PDE5A: variants seen among roughly 807,000 people sequenced by gnomAD.
The protein encoded by PDE5A is cGMP-specific 3',5'-cyclic phosphodiesterase.
Under a neutral mutation model 110.2 loss-of-function variants are expected in PDE5A, and 67 were observed. The ratio of observed to expected loss-of-function variants is 0.61; its 90% CI spans 0.50 to 0.75. PDE5A has a LOEUF of 0.75. Ranked by LOEUF, PDE5A falls within the 30% of genes least tolerant of loss-of-function variation. The pLI, the probability that PDE5A is intolerant of heterozygous loss-of-function variation, is 0.00. For synonymous variants in PDE5A, 328 were observed against 351.2 expected (o/e 0.93, Z 0.74); for missense variants, 862 against 1,045.1 (o/e 0.82, Z 2.42).
intron 1 of PDE5A, 117 bp downstream of exon 1, chr4:119,628,403 T>C: frequency 1.3e-6 from 1 of 777,432 alleles, no homozygotes; most frequent in Admixed American, 2.8e-5. Context: ...TTCTACCTCG[T>C]AACAGGACCG....
At chr4:119,580,684 A>C (rs1233778328) in intron 3 of PDE5A, among the ~76,000 whole-genome samples, 1 of 152,244 alleles carries the variant, frequency 6.6e-6, no homozygotes, top group Non-Finnish European at 1.5e-5. Context: ...CATGGAGAGA[A>C]GAAACTTGCT....
chr4:119,622,573 T>A (rs1405888601), intron 1 of PDE5A, among the ~76,000 whole-genome samples: 1 of 152,082 alleles, frequency 6.6e-6, no homozygotes, highest in Admixed American at 6.5e-5. Flanking sequence ...AGAGAAAATA[T>A]ATCTTTAAAA....
chr4:119,583,559 T>C (rs1403760975), intron 3 of PDE5A, among the ~76,000 whole-genome samples: 1 of 152,250 alleles, frequency 6.6e-6, no homozygotes, highest in Non-Finnish European at 1.5e-5. Context: ...ATCCTAGTTT[T>C]TGGCCTATCT....
intron 2 of PDE5A, among the ~76,000 whole-genome samples, chr4:119,604,790 T>A (rs1455465433): frequency 6.6e-6 from 1 of 152,226 alleles, no homozygotes; most frequent in African/African-American, 2.4e-5. Context: ...TTCACTTGCA[T>A]CTCCTGTTAG....
At chr4:119,516,474 T>TC in intron 14 of PDE5A, among the ~76,000 whole-genome samples, 1 of 152,378 alleles carries the variant, frequency 6.6e-6, no homozygotes, top group Non-Finnish European at 1.5e-5. Context: ...AACAGTCTTC[T>TC]TATACTGAAT....
chr4:119,579,664 G>C (rs1728514128), intron 3 of PDE5A, among the ~76,000 whole-genome samples: 1 of 151,720 alleles, frequency 6.6e-6, no homozygotes, highest in African/African-American at 2.4e-5. Flanking sequence ...CACAGGAAGG[G>C]GAACATCACA....
At chr4:119,518,970 TG>T in intron 14 of PDE5A, 74 bp downstream of exon 14, 1 of 982,032 alleles carries the variant, frequency 1.0e-6, no homozygotes. Context: ...CAAATTTTGC[TG>T]TGGCTTTAAC....
intron 20 of PDE5A, among the ~76,000 whole-genome samples, chr4:119,500,537 C>G (rs913216660): frequency 2.0e-5 from 3 of 152,168 alleles, no homozygotes; most frequent in African/African-American, 7.2e-5. Flanking sequence ...TATGATAACT[C>G]CATGACAAAT....
chr4:119,589,645 G>C (rs1381990961), intron 3 of PDE5A, among the ~76,000 whole-genome samples: 1 of 151,938 alleles, frequency 6.6e-6, no homozygotes, highest in East Asian at 1.9e-4. Flanking sequence ...TTCATTTGTA[G>C]TCATGGTTCT....
intron 7 of PDE5A, among the ~76,000 whole-genome samples, chr4:119,559,740 G>T (rs1311465731): frequency 6.6e-6 from 1 of 152,160 alleles, no homozygotes; most frequent in African/African-American, 2.4e-5. Context: ...GGACAGAATA[G>T]GTGTGGAGAC....
rs12503898 is a variant in PDE5A, at chr4:119,581,983, G to A, written c.831+14540C>T. ...CTTAACTTTGATGTTGATGGCTGCC[G>A]AATGATCAGGGTGGTGGTTGCTGAC... On this transcript the variant is annotated intron_variant, in intron 3 of 20. Transcript: ENST00000354960. Among the ~76,000 whole-genome samples, 602 of 152,260 alleles carry A rather than the reference G, an allele frequency of 4.0e-3. 8 individuals are homozygous for A. Among genetic ancestry groups the A allele is most frequent in the Admixed American group, 0.035 (528 of 15,296 alleles).
At chr4:119,532,480 T>C in intron 11 of PDE5A, among the ~76,000 whole-genome samples, 1 of 152,102 alleles carries the variant, frequency 6.6e-6, no homozygotes, top group East Asian at 1.9e-4. Flanking sequence ...ATGACAGCCC[T>C]TCTTTTGTTC....
At chr4:119,503,313 A>G (rs990994380) in intron 18 of PDE5A, among the ~76,000 whole-genome samples, 1 of 152,198 alleles carries the variant, frequency 6.6e-6, no homozygotes, top group Non-Finnish European at 1.5e-5. Flanking sequence ...ATGTCACTGC[A>G]TGGACATCCA....
chr4:119,628,436 G>C, intron 1 of PDE5A, 84 bp downstream of exon 1: 2 of 1,171,738 alleles, frequency 1.7e-6, no homozygotes. Flanking sequence ...AAAAGCAAAG[G>C]GCCTGGGAAC....
Position 119,525,596 on chromosome 4 carries a change from T to C in PDE5A, c.1732A>G (p.Met578Val). Residue 578 changes from methionine (M) to valine (V), a missense_variant, in exon 12 of 21, where the codon ATG becomes GTG. Met to Val is a conservative substitution (Grantham distance 21, BLOSUM62 1). Coordinates refer to ENST00000354960, the MANE Select transcript of PDE5A (RefSeq NM_001083.4). The surrounding 1 kb of genome is among the most constrained non-coding windows in gnomAD (Gnocchi z 4.3). Reference protein sequence around the residue: ...DLETALCTIRMFTDLNLVQNF... With the variant: ...DLETALCTIRVFTDLNLVQNF... ...TGCACAAGGTTGAGGTCAGTAAACA[T>C]CCGAATTGTACACAGTGCTGTTTCC... 2 of 1,613,292 alleles carry C rather than the reference T, an allele frequency of 1.2e-6. No homozygotes were observed.
At chr4:119,589,761 G>A (rs931656709) in intron 3 of PDE5A, among the ~76,000 whole-genome samples, 4 of 152,146 alleles carry the variant, frequency 2.6e-5, no homozygotes, top group Admixed American at 6.5e-5. Flanking sequence ...TACAGAGGAT[G>A]TGACTATGAT....
chr4:119,536,523 A>C (rs1371666527), intron 11 of PDE5A, among the ~76,000 whole-genome samples: 1 of 152,166 alleles, frequency 6.6e-6, no homozygotes, highest in Admixed American at 6.5e-5. Context: ...TAATTGAAAA[A>C]CTGTTCATCA....
At chr4:119,531,327 G>A (rs1183658151) in intron 11 of PDE5A, among the ~76,000 whole-genome samples, 1 of 151,926 alleles carries the variant, frequency 6.6e-6, no homozygotes, top group Non-Finnish European at 1.5e-5. Flanking sequence ...CATCCAGACT[G>A]GAGTGCAGTG....
At chr4:119,548,299 C>T (rs918059082) in intron 9 of PDE5A, 6 of 152,116 alleles carry the variant, frequency 3.9e-5, no homozygotes, top group Non-Finnish European at 7.4e-5. Context: ...CCGCCCGCCT[C>T]GGCCTCCCAA....
Sources: allele counts gnomAD v4.1 joint callset (sites outside exome capture counted in the v4.1 genomes callset), GRCh38; gene constraint gnomAD v4.1.1; non-coding constraint Gnocchi (gnomAD v3.1); transcripts MANE v1.5; gene names NCBI Gene and HGNC (gene_info 2026-07-23, HGNC 2026-07-21).